Variants in HSD3B7 observed in about 807,000 individuals in gnomAD.
The protein encoded by HSD3B7 is hydroxy-delta-5-steroid dehydrogenase, 3 beta- and steroid delta-isomerase 7.
HSD3B7 carries 35 observed loss-of-function variants against 34.3 expected under a neutral mutation model. The observed-to-expected ratio is 1.02, with a 90% confidence interval of 0.78 to 1.35. The LOEUF (loss-of-function observed/expected upper bound fraction) is 1.35. Ranked by LOEUF, HSD3B7 falls within the 40% of genes most tolerant of loss-of-function variation. The pLI, the probability that HSD3B7 is intolerant of heterozygous loss-of-function variation, is 0.00. For synonymous variants in HSD3B7, 217 were observed against 220.1 expected (o/e 0.99, Z 0.13); for missense variants, 426 against 504.7 (o/e 0.84, Z 1.49).
chr16:30,988,314 T>C lies in HSD3B7; in HGVS notation c.*131T>C, dbSNP rs538152984. On this transcript the variant is annotated 3_prime_UTR_variant, in exon 7 of 7. Coordinates refer to ENST00000297679, the MANE Select transcript of HSD3B7 (RefSeq NM_025193.4). ...GGCTCTGGGGCCAGAATGGCTGTCC[T>C]TGTCGTAGAGCCCTCCACATTTTCT... is the stretch of plus-strand genomic sequence containing the variant. The C allele has an allele frequency of 1.3e-5, 11 of 828,164 alleles. No individual in the cohort carries two copies. The African/African-American group carries it at 1.6e-4, about 12-fold the overall frequency. The allele number at this position is 828,164 out of a possible 1,614,324, so 51.3% of individuals were successfully genotyped here.
chr16:30,985,604 T>G (rs747388163), intron 1 of HSD3B7, 49 bp from the exon 2 acceptor site: 1 of 1,558,180 alleles, frequency 6.4e-7, no homozygotes, highest in Non-Finnish European at 8.6e-7. Context: ...AACAGGTGGT[T>G]GCAGCAGGTG....
In HSD3B7 at chr16:30,988,005, C is replaced by T; in HGVS notation, c.932C>T (p.Pro311Leu). The T allele has an allele frequency of 6.2e-7, 1 of 1,609,258 alleles. No homozygotes were observed. The highest frequency in any genetic ancestry group is 8.5e-7 in the Non-Finnish European group (1 of 1,179,992). Residue 311 changes from proline (P) to leucine (L), a missense_variant, in exon 7 of 7, where the codon CCA becomes CTA. Coordinates refer to ENST00000297679, the MANE Select transcript of HSD3B7 (RefSeq NM_025193.4). Reference sequence around the variant, plus strand: ...GCCCTGCTGCAGTGGCTGCTGCGGCCACTGGTGCTCTACGCACCCCTGCTG... The same window carrying T: ...GCCCTGCTGCAGTGGCTGCTGCGGCTACTGGTGCTCTACGCACCCCTGCTG... ...LNALLQWLLR[P>L]LVLYAPLLNP...
Position 30,986,158 on chromosome 16 carries a change from G to C in HSD3B7, c.276G>C (p.Val92=). The C allele has an allele frequency of 6.2e-7, 1 of 1,614,038 alleles. No individual in the cohort carries two copies. Among genetic ancestry groups the C allele is most frequent in the Non-Finnish European group, 8.5e-7 (1 of 1,180,024 alleles). ...TCCACACGGCTGGGCTGGTAGACGTGTTTGGCAGGGCCAGTCCCAAGACCA... is the reference window on the plus strand; with the variant it reads ...TCCACACGGCTGGGCTGGTAGACGTCTTTGGCAGGGCCAGTCCCAAGACCA... The part of the protein sequence containing the change: ...VVIHTAGLVD[V]FGRASPKTIH... The change falls in exon 3 of 7, where the codon GTG becomes GTC. Residue 92 remains valine, a synonymous_variant. Coordinates refer to ENST00000297679, the MANE Select transcript of HSD3B7 (RefSeq NM_025193.4).
At chr16:30,987,546 C>T in intron 6 of HSD3B7, 1 of 611,780 alleles carries the variant, frequency 1.6e-6, no homozygotes, top group Non-Finnish European at 2.9e-6. Flanking sequence ...CCACGCAGGT[C>T]CTGGTTTCTC....
chr16:30,985,343 C>T (rs534362889), intron 1 of HSD3B7, 46 bp downstream of exon 1: 12 of 1,264,862 alleles, frequency 9.5e-6, no homozygotes, highest in Admixed American at 6.9e-5. Flanking sequence ...TCCCTCCATC[C>T]GGCCCTTCCC....
chr16:30,987,640 C>G, intron 6 of HSD3B7, 128 bp from the exon 7 acceptor site: 2 of 1,080,110 alleles, frequency 1.9e-6, no homozygotes, highest in Non-Finnish European at 2.8e-6. Flanking sequence ...GCAGCCTTTC[C>G]CAGGCTGCTG....
rs1355502485 is a variant in HSD3B7, at chr16:30,985,417, C to T, written c.-7+120C>T. On this transcript the variant is annotated intron_variant, in intron 1 of 6. Transcript: ENST00000297679. ...GGCCTCCCCACCCTTTTACTGCCTT[C>T]AAATCTCTCTCCCTAAACCCTGACC... The T allele has an allele frequency of 2.9e-5, 41 of 1,411,494 alleles. No homozygotes were observed. In the Admixed American group the frequency reaches 1.1e-3, roughly 38 times the overall value. The allele number at this position is 1,411,494 out of a possible 1,614,324, so 87.4% of individuals were successfully genotyped here.
chr16:30,985,450 G>T, intron 1 of HSD3B7, 153 bp downstream of exon 1: 1 of 1,457,574 alleles, frequency 6.9e-7, no homozygotes, highest in Non-Finnish European at 9.0e-7. Context: ...ACCCCTTCCT[G>T]CACCCCAAGC....
chr16:30,988,312 C>T lies in HSD3B7; in HGVS notation c.*129C>T. 1 of 862,826 alleles carries T rather than the reference C, an allele frequency of 1.2e-6. No individual in the cohort carries two copies. Among genetic ancestry groups the T allele is most frequent in the African/African-American group, 1.7e-5 (1 of 58,610 alleles). 53.4% of individuals were successfully genotyped at this position (862,826 alleles called of 1,614,324 possible). On this transcript the variant is annotated 3_prime_UTR_variant, in exon 7 of 7. Coordinates refer to ENST00000297679, the MANE Select transcript of HSD3B7 (RefSeq NM_025193.4). ...AGGGCTCTGGGGCCAGAATGGCTGT[C>T]CTTGTCGTAGAGCCCTCCACATTTT...
intron 6 of HSD3B7, 103 bp from the exon 7 acceptor site, chr16:30,987,665 G>C: frequency 1.5e-6 from 2 of 1,348,668 alleles, no homozygotes; most frequent in Non-Finnish European, 2.1e-6. Context: ...GATGTGGGCG[G>C]CAACTACCTG....
In HSD3B7 at chr16:30,987,235, G is replaced by A. The variant is rs2056495071; in HGVS notation, c.694+233G>A. Reference sequence around the variant, plus strand: ...ATCATAGGCTACAGAGAAGATTGCAGCTATGGGAGCAGCCATTCCCCAGGA... The same window carrying A: ...ATCATAGGCTACAGAGAAGATTGCAACTATGGGAGCAGCCATTCCCCAGGA... On this transcript the variant is annotated intron_variant, in intron 6 of 6. Coordinates refer to ENST00000297679, the MANE Select transcript of HSD3B7 (RefSeq NM_025193.4). 1.4e-5 allele frequency: 8 copies of A among 567,846 alleles called. No individual in the cohort carries two copies. The East Asian group carries it at 2.4e-4, about 17-fold the overall frequency. The allele number at this position is 567,846 out of a possible 1,614,324, so 35.2% of individuals were successfully genotyped here.
rs370450748 is a variant in HSD3B7 at position 30,987,978 on chromosome 16, A to G, written c.905A>G (p.Asn302Ser). 2.5e-5 allele frequency: 41 copies of G among 1,611,278 alleles called. No homozygotes were observed. The highest frequency in any genetic ancestry group is 3.1e-5 in the Non-Finnish European group (37 of 1,180,002). ...YWLLVFLAAL[N>S]ALLQWLLRPL... The stretch of plus-strand genomic sequence containing the variant: ...CTGCTGGTGTTCCTGGCTGCCCTCA[A>G]TGCCCTGCTGCAGTGGCTGCTGCGG... Residue 302 changes from asparagine (N) to serine (S), a missense_variant, in exon 7 of 7, where the codon AAT becomes AGT. Physicochemically the swap from Asn to Ser is conservative, Grantham distance 46. Coordinates refer to ENST00000297679, the MANE Select transcript of HSD3B7 (RefSeq NM_025193.4).
intron 6 of HSD3B7, 84 bp from the exon 7 acceptor site, chr16:30,987,682 AAG>A: frequency 2.7e-6 from 4 of 1,502,386 alleles, no homozygotes; most frequent in Non-Finnish European, 3.7e-6. Context: ...CCTGGGCCCA[AAG>A]AGGGGGTGGC....
rs143551025 is a variant in HSD3B7 at position 30,987,981 on chromosome 16, C to T, written c.908C>T (p.Ala303Val). 8 of 1,611,238 alleles carry T rather than the reference C, an allele frequency of 5.0e-6. No individual in the cohort carries two copies. Among genetic ancestry groups the T allele is most frequent in the Non-Finnish European group, 6.8e-6 (8 of 1,180,008 alleles). Residue 303 changes from alanine to valine, a missense_variant, in exon 7 of 7, where the codon GCC becomes GTC. By Grantham distance (64) the Ala-to-Val change is moderately conservative. Coordinates refer to ENST00000297679, the MANE Select transcript of HSD3B7 (RefSeq NM_025193.4). ...WLLVFLAALNALLQWLLRPLV... is the reference protein window; with the variant it reads ...WLLVFLAALNVLLQWLLRPLV... ...CTGGTGTTCCTGGCTGCCCTCAATG[C>T]CCTGCTGCAGTGGCTGCTGCGGCCA...
rs1194130745 is a variant in HSD3B7, at chr16:30,985,232, C to G, written c.-72C>G. 1 of 1,099,390 alleles carries G rather than the reference C, an allele frequency of 9.1e-7. No individual in the cohort carries two copies. The highest frequency in any genetic ancestry group is 1.1e-6 in the Non-Finnish European group (1 of 895,616). The allele number at this position is 1,099,390 out of a possible 1,614,324, so 68.1% of individuals were successfully genotyped here. A position where few individuals can be genotyped will look rare whatever the true frequency, so the allele number is the denominator to read the frequency against. ...AGCGGAAGGACGGTGTGCGGGCCGG[C>G]CAGCCCTGGACGAAAGAAGAGGGCC... On this transcript the variant is annotated 5_prime_UTR_variant, in exon 1 of 7. Coordinates refer to ENST00000297679, the MANE Select transcript of HSD3B7 (RefSeq NM_025193.4).
chr16:30,985,466 C>G (rs1215113579), intron 1 of HSD3B7, 169 bp downstream of exon 1: 2 of 1,475,968 alleles, frequency 1.4e-6, no homozygotes, highest in Non-Finnish European at 1.8e-6. Context: ...CAAGCCCGCC[C>G]CTCTCTCCGT....
At position 30,988,397 on chromosome 16, in the gene HSD3B7, A is replaced by G. The variant is rs2143646337; in HGVS notation, c.*214A>G. On this transcript the variant is annotated 3_prime_UTR_variant, in exon 7 of 7. Coordinates refer to ENST00000297679, the MANE Select transcript of HSD3B7 (RefSeq NM_025193.4). ...ACCCAGACTGGAGTGCAGTGGTGTG[A>G]TCATAGCTCACTGCACCCTCAACCT... 1 of 568,062 alleles carries G rather than the reference A, an allele frequency of 1.8e-6. No individual in the cohort carries two copies. The highest frequency in any genetic ancestry group is 1.9e-5 in the African/African-American group (1 of 53,336). 35.2% of individuals were successfully genotyped at this position (568,062 alleles called of 1,614,324 possible).
In HSD3B7 at chr16:30,988,000, G is replaced by T; in HGVS notation, c.927G>T (p.Leu309=). The T allele has an allele frequency of 6.2e-7, 1 of 1,609,490 alleles. No individual in the cohort carries two copies. The highest frequency in any genetic ancestry group is 1.3e-5 in the African/African-American group (1 of 75,062). ...AALNALLQWL[L]RPLVLYAPLL... ...TCAATGCCCTGCTGCAGTGGCTGCT[G>T]CGGCCACTGGTGCTCTACGCACCCC... The change falls in exon 7 of 7, where the codon CTG becomes CTT. Residue 309 remains leucine (L), a synonymous_variant. Transcript: ENST00000297679.
At position 30,986,961 on chromosome 16, in the gene HSD3B7, G is replaced by C; in HGVS notation, c.653G>C (p.Arg218Pro). Reference sequence around the variant, plus strand: ...CTGCGCCTGGGAGGTTGGCTCTTCCGGGCCATCCCGGCCTCTGTGGAGCAT... The same window carrying C: ...CTGCGCCTGGGAGGTTGGCTCTTCCCGGCCATCCCGGCCTCTGTGGAGCAT... The part of the protein sequence containing the change: ...QGLRLGGWLF[R>P]AIPASVEHGR... Residue 218 changes from arginine (R) to proline (P), a missense_variant, in exon 6 of 7, where the codon CGG becomes CCG. Coordinates refer to ENST00000297679, the MANE Select transcript of HSD3B7 (RefSeq NM_025193.4). 1.2e-6 allele frequency: 2 copies of C among 1,613,332 alleles called. No homozygotes were observed. The highest frequency in any genetic ancestry group is 1.7e-6 in the Non-Finnish European group (2 of 1,179,822).
Sources: gnomAD v4.1 joint callset for allele counts on GRCh38, gnomAD v4.1.1 for gene constraint, MANE v1.5 for transcripts, NCBI Gene and HGNC (gene_info 2026-07-23, HGNC 2026-07-21) for gene names.